The following LTV1 variants were observed in gnomAD, a reference collection of about 807,000 sequenced individuals.
LTV1 encodes the protein protein LTV1 homolog.
Under a neutral mutation model 59.9 loss-of-function variants are expected in LTV1, and 39 were observed. That is an observed-to-expected ratio of 0.65 (90% CI 0.50 to 0.85). LTV1 has a LOEUF of 0.85. LTV1 is among the 40% of genes least tolerant of loss of function. The pLI is 0.00. For missense variants in LTV1, 493 were observed against 549.1 expected (o/e 0.90, Z 1.02); for synonymous variants, 171 against 189.5 (o/e 0.90, Z 0.80).
rs751764203 is a variant in LTV1 at position 143,863,430 on chromosome 6, A to G, written c.1331A>G (p.Glu444Gly). Residue 444 changes from glutamate (E) to glycine (G), a missense_variant, in exon 11 of 11, where the codon GAG (glutamate) becomes GGG (glycine). Glu to Gly is a moderately conservative substitution (Grantham distance 98). Coordinates refer to ENST00000367576, the MANE Select transcript of LTV1 (RefSeq NM_032860.5). This position sits in a 1 kb window ranked among gnomAD's most constrained non-coding sequence, Gnocchi z 4.5. ...TACTTATAACAGGAACGAAGAGTGG[A>G]GAAGAAAGCTAACAAATTAGCATTT... is the stretch of plus-strand genomic sequence containing the variant. Reference protein sequence around the residue: ...IKEERKERRVEKKANKLAFKL... With the variant: ...IKEERKERRVGKKANKLAFKL... 30 of 1,613,262 alleles carry G rather than the reference A, an allele frequency of 1.9e-5. No homozygotes were observed. Among genetic ancestry groups the G allele is most frequent in the Non-Finnish European group, 2.2e-5 (26 of 1,179,410 alleles).
rs1347359978 is a variant in LTV1, at chr6:143,862,991, G to C, written c.1116+95G>C. On this transcript the variant is annotated intron_variant, in intron 9 of 10. Transcript: ENST00000367576. The surrounding 1 kb of genome is among the most constrained non-coding windows in gnomAD (Gnocchi z 4.2). ...ATAACTTTTTATCTTTATGGCTAGA[G>C]TGATATTAGAAAAAGCATCAACAGT... 7 of 1,446,238 alleles carry C rather than the reference G, an allele frequency of 4.8e-6. No homozygotes were observed. The highest frequency in any genetic ancestry group is 1.4e-5 in the African/African-American group (1 of 71,128). 89.6% of individuals were successfully genotyped at this position (1,446,238 alleles called of 1,614,324 possible). A position where few individuals can be genotyped will look rare whatever the true frequency, so the allele number is the denominator to read the frequency against.
rs745438304 is a variant in LTV1, at chr6:143,863,398, A to G, written c.1318-19A>G. On this transcript the variant is annotated intron_variant, in intron 10 of 10. Transcript: ENST00000367576. This position sits in a 1 kb window ranked among gnomAD's most constrained non-coding sequence, Gnocchi z 4.5. ...TTAAAGATGTGAATAATACAAGTAT[A>G]TTCTTGTACTTATAACAGGAACGAA... 9 of 1,604,316 alleles carry G rather than the reference A, an allele frequency of 5.6e-6. No individual in the cohort carries two copies. The South Asian group carries it at 7.7e-5, about 14-fold the overall frequency.
intron 3 of LTV1, among the ~76,000 whole-genome samples, chr6:143,847,665 A>C (rs1477344136): frequency 1.3e-5 from 2 of 152,200 alleles, no homozygotes; most frequent in Non-Finnish European, 2.9e-5. Context: ...CCGGTCGTAT[A>C]AGACTAACTT....
rs1334606790 is a variant in LTV1, at chr6:143,853,761, T to G, written c.398-3542T>G. Reference sequence around the variant, plus strand: ...TTTGTCATTGGTTCTGTTTATGTAATGGATTACGTTGAACCAGCCTTGCAT... The same window carrying G: ...TTTGTCATTGGTTCTGTTTATGTAAGGGATTACGTTGAACCAGCCTTGCAT... On this transcript the variant is annotated intron_variant, in intron 4 of 10. Coordinates refer to ENST00000367576, the MANE Select transcript of LTV1 (RefSeq NM_032860.5). 2.6e-5 allele frequency among the ~76,000 whole-genome samples: 4 copies of G among 152,242 alleles called. No homozygotes were observed. In the East Asian group the frequency reaches 7.7e-4, roughly 29 times the overall value.
intron 2 of LTV1, 26 bp from the exon 3 acceptor site, chr6:143,846,025 A>C (rs1776882896): frequency 1.9e-6 from 3 of 1,607,246 alleles, no homozygotes; most frequent in African/African-American, 2.7e-5. Context: ...ATAGTGAAGA[A>C]AGTACTAATT....
chr6:143,844,641 C>A, intron 2 of LTV1, 24 bp downstream of exon 2: 2 of 1,594,648 alleles, frequency 1.3e-6, no homozygotes, highest in South Asian at 1.2e-5. Flanking sequence ...TTTAGCCAGT[C>A]AGTTTGTAGG....
chr6:143,861,674 TCTC>T (rs1195129844), intron 7 of LTV1, among the ~76,000 whole-genome samples: 1 of 152,162 alleles, frequency 6.6e-6, no homozygotes, highest in Non-Finnish European at 1.5e-5. Context: ...AGGTGACTCT[TCTC>T]TGAGAGAAAC....
chr6:143,845,765 C>G (rs1420484785), intron 2 of LTV1, among the ~76,000 whole-genome samples: 1 of 152,226 alleles, frequency 6.6e-6, no homozygotes, highest in Non-Finnish European at 1.5e-5. Context: ...ACAGAAATGT[C>G]TAGTGGAAGG....
intron 4 of LTV1, among the ~76,000 whole-genome samples, chr6:143,853,908 TTTTC>T (rs1176904947): frequency 6.6e-6 from 1 of 152,192 alleles, no homozygotes; most frequent in Non-Finnish European, 1.5e-5. Context: ...TGGCCTGAAA[TTTTC>T]TTTTTTTGTT....
At chr6:143,844,676 T>C (rs1776861014) in intron 2 of LTV1, 59 bp downstream of exon 2, 10 of 1,539,658 alleles carry the variant, frequency 6.5e-6, no homozygotes, top group Admixed American at 2.1e-5. Flanking sequence ...TTTTTTCTTT[T>C]TTTTTTTTTA....
At position 143,863,703 on chromosome 6, in the gene LTV1, T is replaced by G. The variant is rs905563275; in HGVS notation, c.*176T>G. On this transcript the variant is annotated 3_prime_UTR_variant, in exon 11 of 11. Coordinates refer to ENST00000367576, the MANE Select transcript of LTV1 (RefSeq NM_032860.5). This position sits in a 1 kb window ranked among gnomAD's most constrained non-coding sequence, Gnocchi z 4.5. ...TCCCCTGCCAACCATCTTGTAAATA[T>G]TGTAATACTTTAATTTTTAATATTA... The G allele has an allele frequency of 3.7e-5, 17 of 458,856 alleles. No homozygotes were observed. The allele number at this position is 458,856 out of a possible 1,614,324, so 28.4% of individuals were successfully genotyped here. A position where few individuals can be genotyped will look rare whatever the true frequency, so the allele number is the denominator to read the frequency against.
chr6:143,844,021 C>T (rs955502070), intron 1 of LTV1, among the ~76,000 whole-genome samples: 1 of 152,168 alleles, frequency 6.6e-6, no homozygotes, highest in Non-Finnish European at 1.5e-5. Flanking sequence ...CTGTTTGTGT[C>T]GTGATTTTAT....
At chr6:143,860,367 G>A (rs1777141846) in intron 6 of LTV1, 59 bp from the exon 7 acceptor site, 4 of 1,523,274 alleles carry the variant, frequency 2.6e-6, no homozygotes, top group Admixed American at 1.9e-5. Flanking sequence ...ATTTTTAAGT[G>A]TGTAGTCTTA....
intron 6 of LTV1, among the ~76,000 whole-genome samples, chr6:143,859,918 G>A (rs1354778354): frequency 1.3e-5 from 2 of 152,074 alleles, no homozygotes; most frequent in Non-Finnish European, 2.9e-5. Flanking sequence ...GTCTTGGGCA[G>A]TGCAGACCCT....
chr6:143,854,610 G>A (rs185625298), intron 4 of LTV1, among the ~76,000 whole-genome samples: 3 of 152,256 alleles, frequency 2.0e-5, no homozygotes, highest in Admixed American at 2.0e-4. Context: ...CTTAAACACT[G>A]CTTTAGCTGT....
At chr6:143,850,303 G>T in intron 4 of LTV1, 85 bp downstream of exon 4, 1 of 973,458 alleles carries the variant, frequency 1.0e-6, no homozygotes. Flanking sequence ...TCTATCCCCA[G>T]TAAAGTATTG....
At chr6:143,860,823 G>C (rs1357201198) in intron 7 of LTV1, among the ~76,000 whole-genome samples, 1 of 152,110 alleles carries the variant, frequency 6.6e-6, no homozygotes, top group Admixed American at 6.5e-5. Flanking sequence ...AACGTAATGG[G>C]AATATACGAG....
At chr6:143,854,155 A>G (rs1338617332) in intron 4 of LTV1, among the ~76,000 whole-genome samples, 1 of 152,300 alleles carries the variant, frequency 6.6e-6, no homozygotes, top group East Asian at 1.9e-4. Flanking sequence ...CAGGGATTCC[A>G]CTTCCTCCTG....
At chr6:143,850,933 A>G (rs893899124) in intron 4 of LTV1, among the ~76,000 whole-genome samples, 2 of 152,170 alleles carry the variant, frequency 1.3e-5, no homozygotes, top group African/African-American at 4.8e-5. Flanking sequence ...GGTGAGTAGC[A>G]CCAAACCCAG....
Sources: gnomAD v4.1 joint callset for allele counts (sites outside exome capture counted in the v4.1 genomes callset) on GRCh38, gnomAD v4.1.1 for gene constraint, Gnocchi (gnomAD v3.1) non-coding constraint, MANE v1.5 for transcripts, NCBI Gene and HGNC (gene_info 2026-07-23, HGNC 2026-07-21) for gene names.